The following PDE4D variants were observed in gnomAD, a reference collection of about 807,000 sequenced individuals.
PDE4D encodes the protein 3',5'-cyclic-AMP phosphodiesterase 4D.
Under a neutral mutation model 87.4 loss-of-function variants are expected in PDE4D, and 24 were observed. The observed-to-expected ratio is 0.27, with a 90% CI of 0.20 to 0.39. The LOEUF (loss-of-function observed/expected upper bound fraction) is 0.39. Ranked by LOEUF, PDE4D falls within the 10% of genes least tolerant of loss-of-function variation. The probability of loss-of-function intolerance (pLI) is 1.00; values close to 1 mark genes in which losing one functional copy is unlikely to be tolerated. For missense variants in PDE4D, 714 were observed against 1,041.0 expected (o/e 0.69, Z 4.32); for synonymous variants, 384 against 383.2 (o/e 1.00, Z -0.02).
chr5:59,516,081 A>G (rs1055780708), intron 1 of PDE4D, among the ~76,000 whole-genome samples: 2 of 152,212 alleles, frequency 1.3e-5, no homozygotes, highest in Admixed American at 1.3e-4. Context: ...TGATAGAATG[A>G]AAACAATGAC....
rs1742777533 is a variant in PDE4D, at chr5:58,972,423, A to AATTT, written c.*2237_*2240dup. On this transcript the variant is annotated 3_prime_UTR_variant, in exon 15 of 15. Transcript: ENST00000340635. ...TAAAAGATCAGAGTTATAAAGACAT[A>AATTT]ATTTTTATTTCAAAGGATCTAAGCA... 1 of 151,832 alleles carries AATTT rather than the reference A, an allele frequency of 6.6e-6. No individual in the cohort carries two copies. The highest frequency in any genetic ancestry group is 2.1e-4 in the East Asian group (1 of 4,716). 9.4% of individuals were successfully genotyped at this position (151,832 alleles called of 1,614,324 possible). A position where few individuals can be genotyped will look rare whatever the true frequency, so the allele number is the denominator to read the frequency against.
At chr5:60,121,153 T>C (rs778334185) in intron 2 of PDE4D, among the ~76,000 whole-genome samples, 25 of 151,844 alleles carry the variant, frequency 1.6e-4, no homozygotes, top group Non-Finnish European at 3.4e-4. Context: ...TGGGACCATG[T>C]GATCATGTGA....
At chr5:60,072,930 C>A (rs1014495672) in intron 2 of PDE4D, among the ~76,000 whole-genome samples, 2 of 152,086 alleles carry the variant, frequency 1.3e-5, no homozygotes, top group Admixed American at 1.3e-4. Context: ...TAGTGTGATG[C>A]CTCCAGATTT....
intron 1 of PDE4D, among the ~76,000 whole-genome samples, chr5:59,291,286 C>T (rs976311806): frequency 1.3e-5 from 2 of 151,936 alleles, no homozygotes; most frequent in African/African-American, 4.8e-5. Context: ...TGCAACAATA[C>T]GGATGGAAGT....
intron 1 of PDE4D, among the ~76,000 whole-genome samples, chr5:59,295,922 C>T (rs183951621): frequency 1.1e-4 from 17 of 151,688 alleles, no homozygotes; most frequent in African/African-American, 3.6e-4. Context: ...ATAATAAGGA[C>T]TCATGGGGGT....
intron 1 of PDE4D, among the ~76,000 whole-genome samples, chr5:59,246,683 A>G (rs2153526745): frequency 1.3e-5 from 2 of 152,274 alleles, no homozygotes; most frequent in Admixed American, 1.3e-4. Flanking sequence ...ATTTAAGGGA[A>G]TCTTCCACCA....
intron 2 of PDE4D, 90 bp downstream of exon 2, chr5:59,215,687 G>T: frequency 9.1e-7 from 1 of 1,101,546 alleles, no homozygotes; most frequent in Non-Finnish European, 1.4e-6. Context: ...GAGTGATACA[G>T]TTGAACAAAA....
intron 1 of PDE4D, among the ~76,000 whole-genome samples, chr5:59,416,995 G>C (rs1434327449): frequency 6.6e-6 from 1 of 152,046 alleles, no homozygotes; most frequent in Non-Finnish European, 1.5e-5. Flanking sequence ...CATATATGAA[G>C]TATTTCACCC....
At chr5:60,376,700 C>T (rs996990881) in intron 1 of PDE4D, among the ~76,000 whole-genome samples, 1 of 152,194 alleles carries the variant, frequency 6.6e-6, no homozygotes, top group Non-Finnish European at 1.5e-5. Flanking sequence ...TCTGCCTCTA[C>T]CCCTCACTGC....
At position 59,595,093 on chromosome 5, in the gene PDE4D, C is replaced by T. The variant is rs530402135; in HGVS notation, c.455+298075G>A. Among the ~76,000 whole-genome samples the T allele has an allele frequency of 4.6e-5, 7 of 152,060 alleles. No individual in the cohort carries two copies. In the East Asian group the frequency reaches 1.4e-3, roughly 29 times the overall value. On this transcript the variant is annotated intron_variant, in intron 1 of 14. Coordinates refer to ENST00000340635, the MANE Select transcript of PDE4D (RefSeq NM_001104631.2). ...CATGACAAGCATTAACATTTTATAC[C>T]CAGAATATGTACAATTTTTATACAA...
intron 6 of PDE4D, among the ~76,000 whole-genome samples, chr5:58,996,229 C>T (rs148165608): frequency 0.023 from 3,424 of 152,118 alleles, 122 homozygotes; most frequent in African/African-American, 0.076. Context: ...CATGTATATA[C>T]CTATGTAACA....
intron 2 of PDE4D, among the ~76,000 whole-genome samples, chr5:60,101,229 T>C (rs1309726272): frequency 2.0e-5 from 3 of 152,178 alleles, no homozygotes; most frequent in Middle Eastern, 3.4e-3. Flanking sequence ...GCAACCTTCC[T>C]AGAGAAATGA....
chr5:59,784,654 A>G (rs2152633968), intron 1 of PDE4D, among the ~76,000 whole-genome samples: 1 of 152,310 alleles, frequency 6.6e-6, no homozygotes, highest in Middle Eastern at 3.4e-3. Context: ...TAAAAATGTA[A>G]AAGAAAATAC....
chr5:59,738,913 T>G (rs1043100095), intron 1 of PDE4D, among the ~76,000 whole-genome samples: 3 of 151,848 alleles, frequency 2.0e-5, no homozygotes, highest in African/African-American at 4.8e-5. Flanking sequence ...TCAATTATTT[T>G]CACAGTGATT....
chr5:59,456,348 T>G (rs1401879576), intron 1 of PDE4D, among the ~76,000 whole-genome samples: 2 of 152,140 alleles, frequency 1.3e-5, no homozygotes, highest in East Asian at 1.9e-4. Flanking sequence ...AATGGGAGTT[T>G]CCCTGCACAA....
chr5:59,137,525 CTTTTTTTT>C (rs61134818), intron 5 of PDE4D, among the ~76,000 whole-genome samples: 1 of 139,600 alleles, frequency 7.2e-6, no homozygotes, highest in Non-Finnish European at 1.6e-5. Flanking sequence ...GGGAAAGTTT[CTTTTTTTT>C]TTTTTTTTCT....
At chr5:59,872,925 C>T (rs1291687964) in intron 1 of PDE4D, among the ~76,000 whole-genome samples, 1 of 152,090 alleles carries the variant, frequency 6.6e-6, no homozygotes. Flanking sequence ...TATTTTCACC[C>T]TCTTAGATAC....
At chr5:59,870,265 C>G (rs908068790) in intron 1 of PDE4D, among the ~76,000 whole-genome samples, 2 of 152,226 alleles carry the variant, frequency 1.3e-5, no homozygotes, top group African/African-American at 4.8e-5. Context: ...GGCTCTTATG[C>G]TTTCTTTCCT....
chr5:60,452,060 A>G (rs1746137718), intron 1 of PDE4D, among the ~76,000 whole-genome samples: 1 of 152,150 alleles, frequency 6.6e-6, no homozygotes, highest in Non-Finnish European at 1.5e-5. Flanking sequence ...AATTAACAGC[A>G]AAAATTCATG....
Sources: gnomAD v4.1 joint callset for allele counts (sites outside exome capture counted in the v4.1 genomes callset) on GRCh38, gnomAD v4.1.1 for gene constraint, MANE v1.5 for transcripts, NCBI Gene and HGNC (gene_info 2026-07-23, HGNC 2026-07-21) for gene names.